LMO2: variants seen among roughly 807,000 people sequenced by gnomAD.
LMO2 encodes rhombotin-2.
A neutral mutation model predicts 23.2 loss-of-function variants in LMO2; 20 were observed. That is an observed-to-expected ratio of 0.86 (90% confidence interval 0.61 to 1.25). LMO2 has a LOEUF of 1.25. LMO2 is among the 50% of genes most tolerant of loss of function. The probability of loss-of-function intolerance (pLI) is 0.00; values close to 1 mark genes in which losing one functional copy is unlikely to be tolerated. For synonymous variants in LMO2, 123 were observed against 130.2 expected (o/e 0.94, Z 0.38); for missense variants, 270 against 315.3 (o/e 0.86, Z 1.09).
intron 1 of LMO2, among the ~76,000 whole-genome samples, chr11:33,890,990 T>C (rs959562200): frequency 1.3e-5 from 2 of 152,192 alleles, no homozygotes; most frequent in African/African-American, 4.8e-5. Flanking sequence ...TGGTTTTCTT[T>C]AAGCTGAAAC....
intron 4 of LMO2, among the ~76,000 whole-genome samples, chr11:33,867,174 G>C (rs7114342): frequency 0.027 from 4,122 of 152,258 alleles, 202 homozygotes; most frequent in African/African-American, 0.095. Flanking sequence ...GCACAGCAAG[G>C]GAATCTGTGT....
At position 33,864,756 on chromosome 11, in the gene LMO2, G is replaced by A; in HGVS notation, c.310C>T (p.Gln104Ter). The A allele has an allele frequency of 6.2e-7, 1 of 1,613,940 alleles. No homozygotes were observed. The highest frequency in any genetic ancestry group is 8.5e-7 in the Non-Finnish European group (1 of 1,180,008). Residue 104 changes from glutamine to a stop codon, truncating the protein, a stop_gained, in exon 5 of 6, where the codon CAG becomes TAG. Coordinates refer to ENST00000257818, the MANE Select transcript of LMO2 (RefSeq NM_005574.4). LOFTEE classifies it high-confidence loss of function. This position sits in a 1 kb window ranked among gnomAD's most constrained non-coding sequence, Gnocchi z 4.8. ...PSLLTCGGCQ[Q>*]NIGDRYFLKA... ...AGGAAGTAGCGGTCCCCAATGTTCT[G>A]CTGGCAGCCGCCGCATGTCAGCAGG...
At chr11:33,891,173 T>A (rs528308217) in intron 1 of LMO2, among the ~76,000 whole-genome samples, 51 of 152,326 alleles carry the variant, frequency 3.3e-4, no homozygotes, top group Middle Eastern at 3.4e-3. Context: ...ACTTTCCTCA[T>A]CCGCCTTGGT....
chr11:33,867,169 G>A (rs1392107073), intron 4 of LMO2, among the ~76,000 whole-genome samples: 1 of 152,228 alleles, frequency 6.6e-6, no homozygotes, highest in East Asian at 1.9e-4. Context: ...CAGTAGCACA[G>A]CAAGGGAATC....
chr11:33,865,933 T>C (rs997025817), intron 4 of LMO2, among the ~76,000 whole-genome samples: 1 of 152,248 alleles, frequency 6.6e-6, no homozygotes, highest in Non-Finnish European at 1.5e-5. Flanking sequence ...CTCTGGAACC[T>C]TACTTAAACA....
At chr11:33,861,132 G>C (rs556019984) in intron 5 of LMO2, among the ~76,000 whole-genome samples, 2 of 152,356 alleles carry the variant, frequency 1.3e-5, no homozygotes, top group Middle Eastern at 6.8e-3. Flanking sequence ...AGCCAACGCT[G>C]GTTATGTTTT....
At chr11:33,881,437 C>T (rs1448179871) in intron 2 of LMO2, 3 of 455,454 alleles carry the variant, frequency 6.6e-6, no homozygotes, top group Non-Finnish European at 1.3e-5. Context: ...CAAGTCATTT[C>T]CATCCTCGCC....
rs1488737198 is a variant in LMO2, at chr11:33,891,781, T to C, written c.-336+14A>G. 1 of 152,228 alleles carries C rather than the reference T, an allele frequency of 6.6e-6. No individual in the cohort carries two copies. The highest frequency in any genetic ancestry group is 2.4e-5 in the African/African-American group (1 of 41,448). The allele number at this position is 152,228 out of a possible 1,614,324, so 9.4% of individuals were successfully genotyped here. A position where few individuals can be genotyped will look rare whatever the true frequency, so the allele number is the denominator to read the frequency against. On this transcript the variant is annotated intron_variant, in intron 1 of 5. Transcript: ENST00000257818. ...AATCGTCCATTCATCAGAGAATTAATGAAGCCTACTCACCAGCAGATGATG... is the reference window on the plus strand; with the variant it reads ...AATCGTCCATTCATCAGAGAATTAACGAAGCCTACTCACCAGCAGATGATG...
At chr11:33,881,393 T>C (rs1433555365) in intron 2 of LMO2, 1 of 456,754 alleles carries the variant, frequency 2.2e-6, no homozygotes, top group Non-Finnish European at 4.4e-6. Context: ...AAGGAGGTCT[T>C]GGCAGGTTTA....
rs1451523831 is a variant in LMO2, at chr11:33,864,271, G to A, written c.464+331C>T. On this transcript the variant is annotated intron_variant, in intron 5 of 5. Transcript: ENST00000257818. The surrounding 1 kb of genome is among the most constrained non-coding windows in gnomAD (Gnocchi z 4.8). ...ACACTCCCAGTCCCTCTGATCCTCC[G>A]TGTGTACTCCTCCTCAATCCCATCC... 6.6e-6 allele frequency among the ~76,000 whole-genome samples: 1 copy of A among 152,072 alleles called. No individual in the cohort carries two copies. The highest frequency in any genetic ancestry group is 1.5e-5 in the Non-Finnish European group (1 of 68,006).
chr11:33,869,259 C>G, intron 4 of LMO2, 87 bp downstream of exon 4: 1 of 1,027,896 alleles, frequency 9.7e-7, no homozygotes, highest in Non-Finnish European at 1.2e-6. Flanking sequence ...CCTGGAGCCC[C>G]CTCGCGGGCC....
chr11:33,860,882 G>A (rs1294019023), intron 5 of LMO2, among the ~76,000 whole-genome samples: 19 of 152,182 alleles, frequency 1.2e-4, no homozygotes, highest in African/African-American at 4.3e-4. Context: ...GTGCGTTAAT[G>A]AACACTTCCG....
At position 33,880,748 on chromosome 11, in the gene LMO2, C is replaced by CCG; in HGVS notation, c.-272+1075_-272+1076insCG. 5.7e-6 allele frequency: 1 copy of CCG among 174,716 alleles called. No individual in the cohort carries two copies. The highest frequency in any genetic ancestry group is 1.3e-4 in the South Asian group (1 of 7,894). The allele number at this position is 174,716 out of a possible 1,614,324, so 10.8% of individuals were successfully genotyped here. On this transcript the variant is annotated intron_variant, in intron 2 of 5. Transcript: ENST00000257818. The surrounding 1 kb of genome is among the most constrained non-coding windows in gnomAD (Gnocchi z 4.3). ...CCATTCCCTAGGTGTAGCTCTGTTC[C>CCG]TACATGCAAAATTTTACATATTGTT...
intron 2 of LMO2, chr11:33,881,297 CA>C (rs1245248313): frequency 4.4e-6 from 2 of 456,872 alleles, no homozygotes; most frequent in Non-Finnish European, 8.8e-6. Flanking sequence ...GAGCTATTAA[CA>C]AATATTCCAT....
At chr11:33,885,505 G>A (rs1410052873) in intron 1 of LMO2, among the ~76,000 whole-genome samples, 1 of 152,206 alleles carries the variant, frequency 6.6e-6, no homozygotes, top group Non-Finnish European at 1.5e-5. Flanking sequence ...CATTGCATGA[G>A]GTCCAGCCAC....
At chr11:33,871,242 T>TGTCC (rs1857014956) in intron 2 of LMO2, among the ~76,000 whole-genome samples, 1 of 141,724 alleles carries the variant, frequency 7.1e-6, no homozygotes, top group Admixed American at 7.0e-5. Flanking sequence ...TGTGTGTGTG[T>TGTCC]CCCAAAGGAA....
Position 33,864,827 on chromosome 11 carries a change from A to C in LMO2, c.249-10T>G. Reference sequence around the variant, plus strand: ...CTCATCCACTGGTTCCCTGGAGAGAAGGCCAAGCATCAGGGACAGCCTCAC... The same window carrying C: ...CTCATCCACTGGTTCCCTGGAGAGACGGCCAAGCATCAGGGACAGCCTCAC... On this transcript the variant is annotated splice_polypyrimidine_tract_variant and intron_variant, in intron 4 of 5. Transcript: ENST00000257818. The surrounding 1 kb of genome is among the most constrained non-coding windows in gnomAD (Gnocchi z 4.8). 6.2e-7 allele frequency: 1 copy of C among 1,612,224 alleles called. No individual in the cohort carries two copies. Among genetic ancestry groups the C allele is most frequent in the South Asian group, 1.1e-5 (1 of 91,072 alleles).
rs1466798691 is a variant in LMO2, at chr11:33,890,413, G to A, written c.-336+1382C>T. ...GTCACCCAGGCTGGAGTGCAATAGT[G>A]CCATCTTGGCTCACTGCAACCTCCG... On this transcript the variant is annotated intron_variant, in intron 1 of 5. Coordinates refer to ENST00000257818, the MANE Select transcript of LMO2 (RefSeq NM_005574.4). Among the ~76,000 whole-genome samples the A allele has an allele frequency of 2.6e-5, 4 of 152,120 alleles. No individual in the cohort carries two copies. In the East Asian group the frequency reaches 5.8e-4, roughly 22 times the overall value.
chr11:33,876,108 C>T (rs1453022590), intron 2 of LMO2, among the ~76,000 whole-genome samples: 1 of 152,194 alleles, frequency 6.6e-6, no homozygotes, highest in Non-Finnish European at 1.5e-5. Flanking sequence ...CCCTGGATCA[C>T]CCCATGGCTC....
Sources: gnomAD v4.1 joint callset for allele counts (sites outside exome capture counted in the v4.1 genomes callset) on GRCh38, gnomAD v4.1.1 for gene constraint, Gnocchi (gnomAD v3.1) non-coding constraint, MANE v1.5 for transcripts, NCBI Gene and HGNC (gene_info 2026-07-23, HGNC 2026-07-21) for gene names.